Variants in ADAMTSL1 observed in about 807,000 individuals in gnomAD.
ADAMTSL1 encodes ADAMTS-like protein 1.
ADAMTSL1 carries 126 observed loss-of-function variants against 201.8 expected under a neutral mutation model. The observed-to-expected ratio is 0.62, with a 90% CI of 0.54 to 0.72. ADAMTSL1 has a LOEUF of 0.72. Among genes scored for constraint, ADAMTSL1 ranks in the 30% least tolerant of loss-of-function variants. ADAMTSL1 has a pLI of 0.00. For synonymous variants in ADAMTSL1, 1,121 were observed against 903.4 expected (o/e 1.24, Z -4.32); for missense variants, 2,679 against 2,277.8 (o/e 1.18, Z -3.59).
chr9:18,850,359 C>A (rs190828073), intron 23 of ADAMTSL1, among the ~76,000 whole-genome samples: 98 of 152,326 alleles, frequency 6.4e-4, no homozygotes, highest in Non-Finnish European at 1.9e-4. Context: ...CTTCCTCAGC[C>A]CTGAAACAGC....
intron 2 of ADAMTSL1, among the ~76,000 whole-genome samples, chr9:18,238,607 A>C (rs1456486816): frequency 6.6e-6 from 1 of 152,220 alleles, no homozygotes; most frequent in Non-Finnish European, 1.5e-5. Flanking sequence ...AATAGGCACC[A>C]AAAAAATGAG....
chr9:18,264,120 G>C (rs1433902855), intron 2 of ADAMTSL1, among the ~76,000 whole-genome samples: 3 of 152,174 alleles, frequency 2.0e-5, no homozygotes, highest in East Asian at 3.9e-4. Context: ...CTAGCATCTA[G>C]ATTCTCTAGA....
In ADAMTSL1 at chr9:18,007,477, C is replaced by G. The variant is rs532527203; in HGVS notation, c.87+100555C>G. Among the ~76,000 whole-genome samples the G allele has an allele frequency of 1.1e-4, 16 of 152,126 alleles. No individual in the cohort carries two copies. The South Asian group carries it at 2.7e-3, about 26-fold the overall frequency. Reference sequence around the variant, plus strand: ...AAAACAGACGGTATGTTAGAGTCATCTTGGAATAAATGTAGAAAGACTAAG... The same window carrying G: ...AAAACAGACGGTATGTTAGAGTCATGTTGGAATAAATGTAGAAAGACTAAG... On this transcript the variant is annotated intron_variant, in intron 1 of 29. Coordinates refer to the ADAMTSL1 transcript ENST00000680146.
At position 17,908,687 on chromosome 9, in the gene ADAMTSL1, G is replaced by T. The variant is rs139894433; in HGVS notation, c.87+1765G>T. 5.0e-3 allele frequency among the ~76,000 whole-genome samples: 766 copies of T among 152,228 alleles called. 8 individuals carry two copies. The highest frequency in any genetic ancestry group is 4.8e-3 in the South Asian group (23 of 4,828). On this transcript the variant is annotated intron_variant, in intron 1 of 29. Transcript: ENST00000680146. ...TGGCCAGGCTAGTCTCAAACTCCTGGTCTCAGGTGATCCACTCGCCTCGGC... is the reference window on the plus strand; with the variant it reads ...TGGCCAGGCTAGTCTCAAACTCCTGTTCTCAGGTGATCCACTCGCCTCGGC...
chr9:18,248,174 C>T (rs11790387), intron 2 of ADAMTSL1, among the ~76,000 whole-genome samples: 12,242 of 152,108 alleles, frequency 0.08, 712 homozygotes, highest in African/African-American at 0.16. Flanking sequence ...TTCAATATTT[C>T]CAAAAGGAGT....
chr9:18,579,556 T>C (rs988657821), intron 4 of ADAMTSL1, among the ~76,000 whole-genome samples: 1 of 152,220 alleles, frequency 6.6e-6, no homozygotes, highest in Admixed American at 6.5e-5. Context: ...ATACTACTTG[T>C]ATTAATTGTA....
chr9:18,895,943 G>A (rs1829609180), intron 26 of ADAMTSL1, among the ~76,000 whole-genome samples: 2 of 152,200 alleles, frequency 1.3e-5, no homozygotes, highest in Admixed American at 6.5e-5. Context: ...TAAATTGGGA[G>A]CTGAAAGTAC....
At chr9:18,882,712 G>A (rs1828609628) in intron 23 of ADAMTSL1, among the ~76,000 whole-genome samples, 1 of 152,076 alleles carries the variant, frequency 6.6e-6, no homozygotes, top group Non-Finnish European at 1.5e-5. Context: ...GGTGATACAG[G>A]GCCAGGCAAG....
At chr9:18,720,920 G>A (rs927985304) in intron 14 of ADAMTSL1, among the ~76,000 whole-genome samples, 1 of 152,186 alleles carries the variant, frequency 6.6e-6, no homozygotes, top group Non-Finnish European at 1.5e-5. Flanking sequence ...GGGTGTCAGT[G>A]GGAAGGTTGT....
intron 1 of ADAMTSL1, among the ~76,000 whole-genome samples, chr9:17,975,941 T>A (rs990126191): frequency 3.3e-5 from 5 of 152,126 alleles, no homozygotes; most frequent in Non-Finnish European, 5.9e-5. Flanking sequence ...TGCATGTGGA[T>A]ATCCAGTTTT....
chr9:18,289,557 A>G (rs543517854), intron 2 of ADAMTSL1, among the ~76,000 whole-genome samples: 16 of 152,326 alleles, frequency 1.1e-4, no homozygotes, highest in African/African-American at 3.6e-4. Flanking sequence ...AGGAGCCAGT[A>G]TTCTATTAAC....
Position 18,777,802 on chromosome 9 carries a change from G to A in ADAMTSL1, c.3573G>A (p.Leu1191=). The A allele has an allele frequency of 6.2e-7, 1 of 1,613,778 alleles. No homozygotes were observed. Among genetic ancestry groups the A allele is most frequent in the Non-Finnish European group, 8.5e-7 (1 of 1,179,832 alleles). ...CCCACCTGGGGCAGACGGTGGCCCTGGCCAGCGGGACACTGAGTGTTCTTC... is the reference window on the plus strand; with the variant it reads ...CCCACCTGGGGCAGACGGTGGCCCTAGCCAGCGGGACACTGAGTGTTCTTC... ...VVTHLGQTVA[L]ASGTLSVLLH... Residue 1191 remains leucine, a synonymous_variant, in exon 19 of 29, where the codon CTG becomes CTA. Transcript: ENST00000380548.
chr9:18,908,357 C>T (rs985278632), intron 28 of ADAMTSL1, 85 bp from the exon 29 acceptor site: 3 of 1,174,194 alleles, frequency 2.6e-6, no homozygotes, highest in Non-Finnish European at 3.7e-6. Context: ...AAACCCCCGG[C>T]TGCACCTCAC....
At chr9:17,950,924 G>C (rs1426071942) in intron 1 of ADAMTSL1, among the ~76,000 whole-genome samples, 1 of 152,024 alleles carries the variant, frequency 6.6e-6, no homozygotes, top group East Asian at 1.9e-4. Context: ...TTGACCCAGG[G>C]TCAAGTATTA....
At chr9:18,175,835 A>T (rs1828121978) in intron 2 of ADAMTSL1, among the ~76,000 whole-genome samples, 1 of 152,046 alleles carries the variant, frequency 6.6e-6, no homozygotes, top group Admixed American at 6.6e-5. Context: ...GGAAGACTCT[A>T]CACAGATATG....
At chr9:18,745,631 G>A (rs921711307) in intron 15 of ADAMTSL1, among the ~76,000 whole-genome samples, 12 of 152,164 alleles carry the variant, frequency 7.9e-5, no homozygotes, top group Non-Finnish European at 1.2e-4. Flanking sequence ...AGGCCTTTCA[G>A]AGAGAACTAG....
chr9:18,678,027 A>C (rs1830224195), intron 10 of ADAMTSL1, among the ~76,000 whole-genome samples: 2 of 152,106 alleles, frequency 1.3e-5, no homozygotes, highest in African/African-American at 4.8e-5. Context: ...GTATAGATAC[A>C]AAACACAATT....
At chr9:18,880,745 C>T (rs969408797) in intron 23 of ADAMTSL1, among the ~76,000 whole-genome samples, 5 of 152,138 alleles carry the variant, frequency 3.3e-5, no homozygotes, top group African/African-American at 9.7e-5. Context: ...TGCATTATCC[C>T]CTAACAAGAG....
At chr9:17,907,944 C>T (rs1482368919) in intron 1 of ADAMTSL1, among the ~76,000 whole-genome samples, 1 of 152,162 alleles carries the variant, frequency 6.6e-6, no homozygotes, top group African/African-American at 2.4e-5. Flanking sequence ...CAGATAGCCT[C>T]CCTTTCCTCT....
Sources: allele counts gnomAD v4.1 joint callset (sites outside exome capture counted in the v4.1 genomes callset), GRCh38; gene constraint gnomAD v4.1.1; transcripts MANE v1.5; gene names NCBI Gene and HGNC (gene_info 2026-07-23, HGNC 2026-07-21).